The following CAMSAP3 variants were observed in gnomAD, a reference collection of about 807,000 sequenced individuals.
The protein encoded by CAMSAP3 is calmodulin-regulated spectrin-associated protein 3.
CAMSAP3 carries 34 observed loss-of-function variants against 112.5 expected under a neutral mutation model. The ratio of observed to expected loss-of-function variants is 0.30; its 90% CI spans 0.23 to 0.40. The LOEUF is 0.40. Ranked by LOEUF, CAMSAP3 falls within the 10% of genes least tolerant of loss-of-function variation. The pLI, the probability that CAMSAP3 is intolerant of heterozygous loss-of-function variation, is 1.00. For missense variants in CAMSAP3, 1,602 were observed against 1,770.3 expected, an observed-to-expected ratio of 0.90 and a Z score of 1.71; for synonymous variants, 868 against 799.8, an observed-to-expected ratio of 1.09 and a Z score of -1.44.
intron 1 of CAMSAP3, among the ~76,000 whole-genome samples, chr19:7,596,692 G>T (rs901230824): frequency 1.3e-5 from 2 of 151,826 alleles, no homozygotes; most frequent in Non-Finnish European, 2.9e-5. Flanking sequence ...CCCTGGCCGC[G>T]CTGCGGGCGG....
Position 7,611,128 on chromosome 19 carries a change from G to C in CAMSAP3, c.1083G>C (p.Leu361=). Residue 361 remains leucine, a synonymous_variant, in exon 9 of 17, where the codon CTG becomes CTC. Coordinates refer to ENST00000160298, the MANE Select transcript of CAMSAP3 (RefSeq NM_020902.2). The surrounding 1 kb of genome is among the most constrained non-coding windows in gnomAD (Gnocchi z 6.9). ...SPVFTFRHPL[L]SSGGPQSPLR... ...TCTTCACCTTCCGCCACCCGCTTCTGTCATCTGGTGGCCCCCAGTCCCCAC... is the reference window on the plus strand; with the variant it reads ...TCTTCACCTTCCGCCACCCGCTTCTCTCATCTGGTGGCCCCCAGTCCCCAC... 6.2e-7 allele frequency: 1 copy of C among 1,613,702 alleles called. No individual in the cohort carries two copies. Among genetic ancestry groups the C allele is most frequent in the Non-Finnish European group, 8.5e-7 (1 of 1,179,956 alleles).
At position 7,617,197 on chromosome 19, in the gene CAMSAP3, A is replaced by G; in HGVS notation, c.3213-129A>G. 4 of 713,658 alleles carry G rather than the reference A, an allele frequency of 5.6e-6. No individual in the cohort carries two copies. In the East Asian group the frequency reaches 1.0e-4, roughly 18 times the overall value. The allele number at this position is 713,658 out of a possible 1,614,324, so 44.2% of individuals were successfully genotyped here. On this transcript the variant is annotated intron_variant, in intron 14 of 16. Coordinates refer to ENST00000160298, the MANE Select transcript of CAMSAP3 (RefSeq NM_020902.2). The surrounding 1 kb of genome is among the most constrained non-coding windows in gnomAD (Gnocchi z 7.5). Reference sequence around the variant, plus strand: ...CTCCCGAAGTGCTGGGATTACAGGCATGAGCCACGATGCCCAGCCGTGGCC... The same window carrying G: ...CTCCCGAAGTGCTGGGATTACAGGCGTGAGCCACGATGCCCAGCCGTGGCC...
Position 7,610,325 on chromosome 19 carries a change from A to C in CAMSAP3, c.761-151A>C. ...AGAGCGAGACTCCATCTCAAAAAAA[A>C]AAAAAAAAGAATTCACCTCTCGAAG... On this transcript the variant is annotated intron_variant, in intron 5 of 16. Transcript: ENST00000160298. This position sits in a 1 kb window ranked among gnomAD's most constrained non-coding sequence, Gnocchi z 4.9. 1.5e-6 allele frequency: 1 copy of C among 670,350 alleles called. No individual in the cohort carries two copies. Among genetic ancestry groups the C allele is most frequent in the Non-Finnish European group, 2.5e-6 (1 of 403,586 alleles). 41.5% of individuals were successfully genotyped at this position (670,350 alleles called of 1,614,324 possible). A position where few individuals can be genotyped will look rare whatever the true frequency, so the allele number is the denominator to read the frequency against.
chr19:7,610,394 G>C lies in CAMSAP3; in HGVS notation c.761-82G>C, dbSNP rs535568280. On this transcript the variant is annotated intron_variant, in intron 5 of 16. Transcript: ENST00000160298. This position sits in a 1 kb window ranked among gnomAD's most constrained non-coding sequence, Gnocchi z 4.9. ...GGCTCATAGGAGGTCTTCCGTGTGT[G>C]GGGGACTGCTGGTCCCTGGCTTCCC... 4.7e-5 allele frequency: 61 copies of C among 1,301,352 alleles called. No individual in the cohort carries two copies. Among genetic ancestry groups the C allele is most frequent in the South Asian group, 4.1e-4 (30 of 73,576 alleles). The allele number at this position is 1,301,352 out of a possible 1,614,324, so 80.6% of individuals were successfully genotyped here. A position where few individuals can be genotyped will look rare whatever the true frequency, so the allele number is the denominator to read the frequency against.
chr19:7,603,681 T>C (rs2030069666), intron 1 of CAMSAP3, among the ~76,000 whole-genome samples: 1 of 152,138 alleles, frequency 6.6e-6, no homozygotes, highest in Non-Finnish European at 1.5e-5. Context: ...GGCTTCCATC[T>C]TTATAAAAAA....
rs1481900185 is a variant in CAMSAP3 at position 7,617,874 on chromosome 19, G to A, written c.3567G>A (p.Gly1189=). 1.2e-6 allele frequency: 2 copies of A among 1,613,580 alleles called. No individual in the cohort carries two copies. The highest frequency in any genetic ancestry group is 1.3e-5 in the African/African-American group (1 of 74,938). ...AGCTGTCGCGGCTGGCAGGGTATGG[G>A]CCCCGGACCGTCACGCCCGCCATGG... ...TEELSRLAGY[G]PRTVTPAMVE... is the part of the protein sequence containing the mutation. Residue 1189 remains glycine (G), a synonymous_variant, in exon 17 of 17, where the codon GGG becomes GGA. Coordinates refer to ENST00000160298, the MANE Select transcript of CAMSAP3 (RefSeq NM_020902.2). The surrounding 1 kb of genome is among the most constrained non-coding windows in gnomAD (Gnocchi z 7.5).
intron 2 of CAMSAP3, 94 bp from the exon 3 acceptor site, chr19:7,606,177 C>G: frequency 8.7e-7 from 1 of 1,148,662 alleles, no homozygotes; most frequent in Non-Finnish European, 1.2e-6. Context: ...CAAGTCCCTC[C>G]CATCTGCAGG....
chr19:7,614,955 G>A (rs1041180663), intron 11 of CAMSAP3: 18 of 595,714 alleles, frequency 3.0e-5, no homozygotes, highest in African/African-American at 1.9e-4. Context: ...TGTCTTCCCC[G>A]TTGGGTTAAG....
At chr19:7,606,735 T>G (rs1276806559) in intron 4 of CAMSAP3, 164 bp downstream of exon 4, 1 of 1,613,368 alleles carries the variant, frequency 6.2e-7, no homozygotes, top group Non-Finnish European at 8.5e-7. Context: ...CCGTCCCCTG[T>G]GCCGGTACCC....
intron 11 of CAMSAP3, among the ~76,000 whole-genome samples, chr19:7,613,765 C>T (rs920841197): frequency 6.6e-6 from 1 of 152,008 alleles, no homozygotes; most frequent in Non-Finnish European, 1.5e-5. Flanking sequence ...TCTCCTTCAC[C>T]CCCTCGCCCC....
Position 7,611,699 on chromosome 19 carries a change from C to G in CAMSAP3, c.1206C>G (p.Ser402=). The G allele has an allele frequency of 6.4e-7, 1 of 1,562,142 alleles. No individual in the cohort carries two copies. The highest frequency in any genetic ancestry group is 8.7e-7 in the Non-Finnish European group (1 of 1,151,208). ...AWNRQLSRPL[S]QAVSFSTPFG... is the part of the protein sequence containing the mutation. Reference sequence around the variant, plus strand: ...TCCGGCCGCCCAGCCGTCCCCTCTCCCAGGCTGTGTCATTCAGCACCCCCT... The same window carrying G: ...TCCGGCCGCCCAGCCGTCCCCTCTCGCAGGCTGTGTCATTCAGCACCCCCT... Residue 402 remains serine (S), a synonymous_variant, in exon 11 of 17, where the codon TCC becomes TCG. Coordinates refer to ENST00000160298, the MANE Select transcript of CAMSAP3 (RefSeq NM_020902.2). The surrounding 1 kb of genome is among the most constrained non-coding windows in gnomAD (Gnocchi z 6.9).
chr19:7,605,939 T>A (rs900119032), intron 2 of CAMSAP3, among the ~76,000 whole-genome samples: 1 of 150,512 alleles, frequency 6.6e-6, no homozygotes, highest in African/African-American at 2.5e-5. Flanking sequence ...CCCCTCAAGC[T>A]CTTCCCATCA....
At chr19:7,600,665 C>T (rs1281979663) in intron 1 of CAMSAP3, among the ~76,000 whole-genome samples, 6 of 78,112 alleles carry the variant, frequency 7.7e-5, no homozygotes, top group Non-Finnish European at 1.2e-4. Context: ...CACTCATCCA[C>T]TCATCCATCC....
chr19:7,612,157 C>T lies in CAMSAP3; in HGVS notation c.1664C>T (p.Pro555Leu), dbSNP rs775960644. ...EGSPKAVASS[P>L]AATNSEVKMT... Reference sequence around the variant, plus strand: ...TCCCCGAAGGCGGTGGCTTCGTCCCCAGCAGCCACCAACTCCGAGGTGAAA... The same window carrying T: ...TCCCCGAAGGCGGTGGCTTCGTCCCTAGCAGCCACCAACTCCGAGGTGAAA... The change falls in exon 11 of 17, where the codon CCA becomes CTA. Residue 555 changes from proline to leucine, a missense_variant. This residue lies in a region of CAMSAP3 where 1,100 missense variants were observed against 1,135.7 expected (regional missense o/e 0.97). Coordinates refer to ENST00000160298, the MANE Select transcript of CAMSAP3 (RefSeq NM_020902.2). 5.5e-5 allele frequency: 89 copies of T among 1,612,136 alleles called. No individual in the cohort carries two copies. The highest frequency in any genetic ancestry group is 1.6e-4 in the Middle Eastern group (1 of 6,080).
Position 7,610,456 on chromosome 19 carries a change from C to T in CAMSAP3, c.761-20C>T. 3 of 1,598,028 alleles carry T rather than the reference C, an allele frequency of 1.9e-6. No individual in the cohort carries two copies. Among genetic ancestry groups the T allele is most frequent in the Non-Finnish European group, 2.6e-6 (3 of 1,172,316 alleles). On this transcript the variant is annotated intron_variant, in intron 5 of 16. Coordinates refer to ENST00000160298, the MANE Select transcript of CAMSAP3 (RefSeq NM_020902.2). This position sits in a 1 kb window ranked among gnomAD's most constrained non-coding sequence, Gnocchi z 4.9. ...CCTCCTCCTCATAGAGTTGGGGACC[C>T]ACTCCTCCTGTCCCCACAGAGGTGT...
intron 5 of CAMSAP3, among the ~76,000 whole-genome samples, chr19:7,609,395 C>G (rs2030366473): frequency 6.6e-6 from 1 of 151,384 alleles, no homozygotes; most frequent in African/African-American, 2.4e-5. Context: ...TCCCTGGGCT[C>G]AAACATCCTC....
intron 1 of CAMSAP3, among the ~76,000 whole-genome samples, chr19:7,602,081 A>G (rs752122746): frequency 2.0e-5 from 3 of 152,044 alleles, no homozygotes; most frequent in Non-Finnish European, 4.4e-5. Context: ...AGGAAAGAAA[A>G]ATAGAATAAG....
At chr19:7,596,303 G>A (rs1263530372) in intron 1 of CAMSAP3, among the ~76,000 whole-genome samples, 153 bp downstream of exon 1, 1 of 149,990 alleles carries the variant, frequency 6.7e-6, no homozygotes, top group African/African-American at 2.4e-5. Context: ...TGCCGCGCCG[G>A]GGCCTCCGAG....
chr19:7,613,222 CG>C, intron 11 of CAMSAP3, 59 bp downstream of exon 11: 2 of 39,076 alleles, frequency 5.1e-5, no homozygotes, highest in Non-Finnish European at 8.2e-5. Flanking sequence ...CGGGTGGGGG[CG>C]GGGGGAGGTG....
Sources: allele counts gnomAD v4.1 joint callset (sites outside exome capture counted in the v4.1 genomes callset), GRCh38; gene constraint gnomAD v4.1.1; regional missense constraint gnomAD v4.1.1; non-coding constraint Gnocchi (gnomAD v3.1); transcripts MANE v1.5; gene names NCBI Gene and HGNC (gene_info 2026-07-23, HGNC 2026-07-21).